Variants in POF1B observed in about 807,000 individuals in gnomAD.
POF1B encodes the protein protein POF1B.
POF1B carries 53 observed loss-of-function variants against 55.3 expected under a neutral mutation model. That is an observed-to-expected ratio of 0.96 (90% CI 0.77 to 1.20). The LOEUF is 1.20. Among genes scored for constraint, POF1B ranks in the 50% most tolerant of loss-of-function variants. POF1B has a pLI of 0.00. For synonymous variants in POF1B, 188 were observed against 148.3 expected (o/e 1.27, Z -1.95); for missense variants, 478 against 420.5 (o/e 1.14, Z -1.20).
At chrX:85,281,514 C>T (rs1187446857) in intron 16 of POF1B, among the ~76,000 whole-genome samples, 1 of 109,723 alleles carries the variant, frequency 9.1e-6, no homozygotes, top group Non-Finnish European at 1.9e-5. Context: ...TAATCAGTCC[C>T]CTTAGCAATG....
At chrX:85,371,264 C>A (rs147111863) in intron 2 of POF1B, among the ~76,000 whole-genome samples, 12 of 111,597 alleles carry the variant, frequency 1.1e-4, no homozygotes, top group African/African-American at 3.9e-4. Context: ...ATATAAGAGA[C>A]CATTCCCAAC....
At chrX:85,321,969 C>T (rs1334279406) in intron 7 of POF1B, among the ~76,000 whole-genome samples, 1 of 110,674 alleles carries the variant, frequency 9.0e-6, no homozygotes, top group African/African-American at 3.3e-5. Context: ...GAAGAACATT[C>T]CATGTTCATG....
In POF1B at chrX:85,282,209, G is replaced by C; in HGVS notation, c.1758C>G (p.Tyr586Ter). ...TIVIEKTEDK[Y>*]TCP ...AATGCCCAAGTGAACTTACACAAGT[G>C]TATTTGTCTTCTGTTTTCTCAATCA... Residue 586 changes from tyrosine to a stop codon, truncating the protein, a stop_gained, in exon 16 of 17, where the codon TAC becomes TAG. Transcript: ENST00000262753. LOFTEE classifies it high-confidence loss of function. 2.5e-6 allele frequency: 3 copies of C among 1,184,711 alleles called. No individual in the cohort carries two copies. The highest frequency in any genetic ancestry group is 2.3e-6 in the Non-Finnish European group (2 of 879,031).
In POF1B at chrX:85,377,675, A is replaced by G. The variant is rs747151152; in HGVS notation, c.282+1498T>C. Among the ~76,000 whole-genome samples the G allele has an allele frequency of 5.4e-4, 60 of 111,780 alleles. 1 individual carries two copies. Among genetic ancestry groups the G allele is most frequent in the African/African-American group, 1.9e-3 (59 of 30,880 alleles). On this transcript the variant is annotated intron_variant, in intron 2 of 16. Transcript: ENST00000262753. ...CTACATTTTAGGAAGGAGATAGTCC[A>G]TTTTTAAGGATCACTTTGGCAAATG...
intron 15 of POF1B, among the ~76,000 whole-genome samples, chrX:85,285,342 G>C (rs375912432): frequency 9.0e-6 from 1 of 110,773 alleles, no homozygotes; most frequent in East Asian, 2.9e-4. Flanking sequence ...CTATAAAGAC[G>C]TATGCACACG....
chrX:85,283,273 C>A (rs1331462307), intron 15 of POF1B, among the ~76,000 whole-genome samples: 2 of 109,919 alleles, frequency 1.8e-5, no homozygotes, highest in Non-Finnish European at 3.8e-5. Flanking sequence ...AGAAACAGAC[C>A]AAGAGACAAC....
intron 15 of POF1B, among the ~76,000 whole-genome samples, chrX:85,301,757 A>G (rs1932463554): frequency 8.9e-6 from 1 of 112,280 alleles, no homozygotes; most frequent in South Asian, 3.6e-4. Context: ...AACAAAAAAC[A>G]TAAGACATAG....
intron 6 of POF1B, among the ~76,000 whole-genome samples, chrX:85,339,718 CAA>C (rs766827378): frequency 9.1e-6 from 1 of 110,461 alleles, no homozygotes; most frequent in African/African-American, 3.3e-5. Flanking sequence ...ATGAAGGGAA[CAA>C]AAGAGATGAG....
At chrX:85,314,675 T>A (rs1215730149) in intron 8 of POF1B, among the ~76,000 whole-genome samples, 169 bp from the exon 9 acceptor site, 3 of 111,918 alleles carry the variant, frequency 2.7e-5, no homozygotes, top group Non-Finnish European at 3.8e-5. Context: ...GTTCTTATTT[T>A]AAAAAAATCA....
chrX:85,292,842 C>T (rs1440305972), intron 15 of POF1B, among the ~76,000 whole-genome samples: 1 of 98,164 alleles, frequency 1.0e-5, no homozygotes, highest in Non-Finnish European at 2.0e-5. Context: ...AAAAAACAAC[C>T]CTGTAAAAAA....
chrX:85,328,899 G>C (rs1367283549), intron 7 of POF1B, among the ~76,000 whole-genome samples: 1 of 109,521 alleles, frequency 9.1e-6, no homozygotes, highest in East Asian at 2.9e-4. Context: ...TATGAACTCT[G>C]GATCTAGAAT....
At chrX:85,360,443 G>A (rs1168180191) in intron 3 of POF1B, among the ~76,000 whole-genome samples, 2 of 101,942 alleles carry the variant, frequency 2.0e-5, no homozygotes, top group African/African-American at 7.3e-5. Context: ...AGTCTGCTAA[G>A]TTTAATAGCC....
Position 85,277,927 on chromosome X carries a change from G to A in POF1B, c.*1494C>T, listed in dbSNP as rs1931816571. 1 of 110,598 alleles carries A rather than the reference G, an allele frequency of 9.0e-6. No homozygotes were observed. Among genetic ancestry groups the A allele is most frequent in the Non-Finnish European group, 1.9e-5 (1 of 52,418 alleles). The allele number at this position is 110,598 out of a possible 1,213,427, so 9.1% of individuals were successfully genotyped here. A position where few individuals can be genotyped will look rare whatever the true frequency, so the allele number is the denominator to read the frequency against. On this transcript the variant is annotated 3_prime_UTR_variant, in exon 17 of 17. Transcript: ENST00000262753. The stretch of plus-strand genomic sequence containing the variant: ...GTTACATATATGAATAGTTAGCAGA[G>A]GAGAAACTCCTCCGTTGTTCCTACA...
intron 4 of POF1B, among the ~76,000 whole-genome samples, chrX:85,358,381 A>G (rs1933542227): frequency 9.0e-6 from 1 of 111,232 alleles, no homozygotes; most frequent in African/African-American, 3.3e-5. Context: ...GAAGAGCTGT[A>G]TGCTCCTTTA....
Position 85,306,283 on chromosome X carries a change from A to T in POF1B, c.1215T>A (p.Asn405Lys). 8.3e-7 allele frequency: 1 copy of T among 1,208,834 alleles called. No homozygotes were observed. The part of the protein sequence containing the change: ...SSKCQALEEN[N>K]LSLRHTLSDM... Reference sequence around the variant, plus strand: ...CTGATAGTGTATGTCGAAGAGAGAGATTGTTTTCTTCCAATGCCTGGCATT... The same window carrying T: ...CTGATAGTGTATGTCGAAGAGAGAGTTTGTTTTCTTCCAATGCCTGGCATT... Residue 405 changes from asparagine (N) to lysine (K), a missense_variant, in exon 12 of 17, where the codon AAT (asparagine) becomes AAA (lysine). Physicochemically the swap from Asn to Lys is moderately conservative, Grantham distance 94. Coordinates refer to ENST00000262753, the MANE Select transcript of POF1B (RefSeq NM_024921.4).
chrX:85,347,973 C>T (rs997437294), intron 5 of POF1B, among the ~76,000 whole-genome samples: 31 of 111,383 alleles, frequency 2.8e-4, no homozygotes, highest in Non-Finnish European at 5.5e-4. Flanking sequence ...AATAGAAGCT[C>T]TCCTGAAGGA....
At chrX:85,335,673 A>G (rs1326412381) in intron 6 of POF1B, among the ~76,000 whole-genome samples, 5 of 110,855 alleles carry the variant, frequency 4.5e-5, no homozygotes, top group Non-Finnish European at 9.5e-5. Context: ...AGTGCATATT[A>G]GATTATCTTT....
At chrX:85,313,702 G>A (rs1011517923) in intron 9 of POF1B, among the ~76,000 whole-genome samples, 11 of 111,439 alleles carry the variant, frequency 9.9e-5, no homozygotes, top group African/African-American at 2.9e-4. Flanking sequence ...AACGAGTTAG[G>A]GGGGAGTCTC....
At chrX:85,281,857 G>C (rs567909786) in intron 16 of POF1B, among the ~76,000 whole-genome samples, 1 of 109,727 alleles carries the variant, frequency 9.1e-6, no homozygotes, top group South Asian at 3.8e-4. Context: ...TTTGCTACCT[G>C]CTTTAGAAAA....
Sources: gnomAD v4.1 joint callset for allele counts (sites outside exome capture counted in the v4.1 genomes callset) on GRCh38, gnomAD v4.1.1 for gene constraint, MANE v1.5 for transcripts, NCBI Gene and HGNC (gene_info 2026-07-23, HGNC 2026-07-21) for gene names.